Variants in RSPO3 observed in about 807,000 individuals in gnomAD.
RSPO3 encodes the protein R-spondin 3, also known as R-spondin-3.
RSPO3 carries 17 observed loss-of-function variants against 36.5 expected under a neutral mutation model. The ratio of observed to expected loss-of-function variants is 0.47; its 90% CI spans 0.32 to 0.70. RSPO3 has a LOEUF of 0.70. RSPO3 is among the 30% of genes least tolerant of loss of function. RSPO3 has a pLI of 0.04. For missense variants in RSPO3, 294 were observed against 322.5 expected, an observed-to-expected ratio of 0.91 and a Z score of 0.68; for synonymous variants, 108 against 107.0, an observed-to-expected ratio of 1.01 and a Z score of -0.06.
intron 4 of RSPO3, among the ~76,000 whole-genome samples, chr6:127,155,954 T>C (rs1028263866): frequency 6.6e-6 from 1 of 151,934 alleles, no homozygotes; most frequent in Non-Finnish European, 1.5e-5. Context: ...CCAGGCTGTA[T>C]TGTAGTGGTG....
In RSPO3 at chr6:127,155,333, C is replaced by A. The variant is rs773759447; in HGVS notation, c.529C>A (p.Arg177=). The change falls in exon 4 of 5, where the codon CGA becomes AGA. Residue 177 remains arginine, a synonymous_variant. Transcript: ENST00000356698. ...CAAAAGAGGGACTGAAACACGGGTC[C>A]GAGAAATAATACAGCATCCTTCAGC... The part of the protein sequence containing the change: ...GFKRGTETRV[R]EIIQHPSAKG... 2 of 1,613,764 alleles carry A rather than the reference C, an allele frequency of 1.2e-6. No individual in the cohort carries two copies. Among genetic ancestry groups the A allele is most frequent in the Admixed American group, 3.3e-5 (2 of 59,950 alleles).
chr6:127,148,566 G>A, intron 1 of RSPO3, 82 bp from the exon 2 acceptor site: 1 of 1,087,912 alleles, frequency 9.2e-7, no homozygotes, highest in East Asian at 2.5e-5. Context: ...TAATGAAAGA[G>A]AACATATATC....
Position 127,198,510 on chromosome 6 carries a change from T to C in RSPO3, c.*2503T>C, listed in dbSNP as rs1775558214. Among the ~76,000 whole-genome samples, 1 of 152,176 alleles carries C rather than the reference T, an allele frequency of 6.6e-6. No homozygotes were observed. Among genetic ancestry groups the C allele is most frequent in the South Asian group, 2.1e-4 (1 of 4,832 alleles). The stretch of plus-strand genomic sequence containing the variant: ...ACTTTCTACTCTGATTCTGTCTCCA[T>C]AATGGGGTAAACTGTTGATAGTTTA... On this transcript the variant is annotated 3_prime_UTR_variant, in exon 5 of 5. Transcript: ENST00000356698.
At chr6:127,137,667 T>G (rs1774186853) in intron 1 of RSPO3, among the ~76,000 whole-genome samples, 1 of 152,182 alleles carries the variant, frequency 6.6e-6, no homozygotes, top group Admixed American at 6.5e-5. Flanking sequence ...ATTATGTATG[T>G]ATTCCTACAT....
chr6:127,145,120 A>T (rs1774356562), intron 1 of RSPO3, among the ~76,000 whole-genome samples: 1 of 152,040 alleles, frequency 6.6e-6, no homozygotes, highest in South Asian at 2.1e-4. Flanking sequence ...CTACTCTCCA[A>T]CTGCAGGCTT....
At chr6:127,125,491 T>C (rs1452570168) in intron 1 of RSPO3, among the ~76,000 whole-genome samples, 2 of 152,170 alleles carry the variant, frequency 1.3e-5, no homozygotes, top group African/African-American at 4.8e-5. Flanking sequence ...ATGAGGAGGT[T>C]GATCAAAAAC....
intron 4 of RSPO3, among the ~76,000 whole-genome samples, chr6:127,185,690 G>A (rs974081635): frequency 6.6e-6 from 1 of 151,952 alleles, no homozygotes; most frequent in Non-Finnish European, 1.5e-5. Flanking sequence ...CCAGATTAAA[G>A]GTACATTTTT....
chr6:127,181,217 G>A (rs753647630), intron 4 of RSPO3, among the ~76,000 whole-genome samples: 34 of 151,984 alleles, frequency 2.2e-4, no homozygotes, highest in Non-Finnish European at 4.3e-4. Context: ...GAAGATCAGG[G>A]AAGAATTAAT....
In RSPO3 at chr6:127,175,314, AGTTT is replaced by A. The variant is rs1245435585; in HGVS notation, c.634+19879_634+19882del. ...TATAAAGTCCCAAAGCATGTTACTT[AGTTT>A]GTGTTTCAATATTCAGCATCTTGCG... On this transcript the variant is annotated intron_variant, in intron 4 of 4. Transcript: ENST00000356698. Among the ~76,000 whole-genome samples the A allele has an allele frequency of 2.6e-5, 4 of 151,804 alleles. No homozygotes were observed. The East Asian group carries it at 5.8e-4, about 22-fold the overall frequency.
At chr6:127,158,641 A>T (rs1774643220) in intron 4 of RSPO3, among the ~76,000 whole-genome samples, 1 of 152,118 alleles carries the variant, frequency 6.6e-6, no homozygotes, top group Admixed American at 6.5e-5. Flanking sequence ...TAGTTGGGAG[A>T]TGCTTTTTAA....
intron 4 of RSPO3, among the ~76,000 whole-genome samples, chr6:127,181,713 A>G (rs1228946452): frequency 6.6e-6 from 1 of 152,000 alleles, no homozygotes; most frequent in East Asian, 1.9e-4. Flanking sequence ...AAGTAAGCCA[A>G]CCTTACTTCT....
At chr6:127,124,310 T>A (rs1057374972) in intron 1 of RSPO3, among the ~76,000 whole-genome samples, 10 of 152,138 alleles carry the variant, frequency 6.6e-5, no homozygotes, top group East Asian at 1.9e-4. Context: ...CCCAAAAAAA[T>A]TATTTTCCAA....
chr6:127,134,938 C>T (rs2114555364), intron 1 of RSPO3, among the ~76,000 whole-genome samples: 1 of 152,274 alleles, frequency 6.6e-6, no homozygotes, highest in African/African-American at 2.4e-5. Flanking sequence ...TTCATTAAGC[C>T]TGTAAAAGAG....
chr6:127,129,535 C>T (rs1416985008), intron 1 of RSPO3, among the ~76,000 whole-genome samples: 4 of 152,026 alleles, frequency 2.6e-5, no homozygotes, highest in South Asian at 2.1e-4. Flanking sequence ...GTCATCACAG[C>T]GAGCTTTAGC....
At chr6:127,183,796 T>A (rs1562253991) in intron 4 of RSPO3, among the ~76,000 whole-genome samples, 2 of 151,936 alleles carry the variant, frequency 1.3e-5, no homozygotes, top group East Asian at 3.9e-4. Context: ...ACTGCTAGAA[T>A]CTCCCAATAC....
intron 4 of RSPO3, among the ~76,000 whole-genome samples, chr6:127,158,564 T>C (rs1774641808): frequency 6.6e-6 from 1 of 152,122 alleles, no homozygotes; most frequent in Non-Finnish European, 1.5e-5. Context: ...GAAATGACTT[T>C]TCAAAATGTA....
chr6:127,135,136 T>G (rs1210968579), intron 1 of RSPO3, among the ~76,000 whole-genome samples: 5 of 152,152 alleles, frequency 3.3e-5, no homozygotes, highest in Non-Finnish European at 7.4e-5. Flanking sequence ...AGATTGCAAC[T>G]ATTGGCCAGG....
intron 4 of RSPO3, among the ~76,000 whole-genome samples, chr6:127,176,241 A>C (rs1582809553): frequency 6.6e-6 from 1 of 151,794 alleles, no homozygotes; most frequent in East Asian, 1.9e-4. Context: ...AAACCACCCA[A>C]GAGGAGCCTC....
At chr6:127,139,480 A>G (rs1410886267) in intron 1 of RSPO3, among the ~76,000 whole-genome samples, 1 of 152,104 alleles carries the variant, frequency 6.6e-6, no homozygotes, top group Admixed American at 6.6e-5. Flanking sequence ...ATTCATTACC[A>G]TTAAACTGTC....
Sources: gnomAD v4.1 joint callset for allele counts (sites outside exome capture counted in the v4.1 genomes callset) on GRCh38, gnomAD v4.1.1 for gene constraint, MANE v1.5 for transcripts, NCBI Gene and HGNC (gene_info 2026-07-23, HGNC 2026-07-21) for gene names.